The following DHPS variants were observed in gnomAD, a reference collection of about 807,000 sequenced individuals.
DHPS encodes the protein migration-inducing gene 13.
In DHPS, 24 loss-of-function variants were observed where a neutral mutation model predicts 38.7. The observed-to-expected ratio is 0.62, with a 90% CI of 0.45 to 0.87. The LOEUF (loss-of-function observed/expected upper bound fraction) is 0.87. Ranked by LOEUF, DHPS falls within the 40% of genes least tolerant of loss-of-function variation. The pLI is 0.00. For synonymous variants in DHPS, 250 were observed against 204.4 expected (o/e 1.22, Z -1.90); for missense variants, 510 against 497.6 (o/e 1.02, Z -0.24).
At position 12,679,493 on chromosome 19, in the gene DHPS, G is replaced by C. The variant is rs1198727961; in HGVS notation, c.642C>G (p.Ile214Met). 6.2e-7 allele frequency: 1 copy of C among 1,614,018 alleles called. No homozygotes were observed. The highest frequency in any genetic ancestry group is 1.3e-5 in the African/African-American group (1 of 74,900). ...SKMIARLGKE[I>M]NNPESVYYWA... ...AGTAATACACGGACTCTGGGTTGTT[G>C]ATCTCCTTGCCCAGCCGGGCGATCA... Residue 214 changes from isoleucine to methionine, a missense_variant, in exon 5 of 9, where the codon ATC becomes ATG. Ile to Met is a conservative substitution (Grantham distance 10). Transcript: ENST00000210060.
At position 12,677,144 on chromosome 19, in the gene DHPS, G is replaced by A. The variant is rs144283239; in HGVS notation, c.852C>T (p.Gly284=). ...CATTGGCAATGTGGTGCTTGACCAC[G>A]CCCCCGCCCAGAATGATCATCCCAG... The part of the protein sequence containing the change: ...KCTGMIILGG[G]VVKHHIANAN... The change falls in exon 7 of 9, where the codon GGC becomes GGT. Residue 284 remains glycine (G), a synonymous_variant. Transcript: ENST00000210060. 1.2e-5 allele frequency: 20 copies of A among 1,614,176 alleles called. No individual in the cohort carries two copies. The East Asian group carries it at 2.5e-4, about 20-fold the overall frequency.
downstream of DHPS, chr19:12,675,514 G>C: frequency 6.2e-7 from 1 of 1,602,384 alleles, no homozygotes. Context: ...CCTACCCCTC[G>C]CTCCACAGGG....
At chr19:12,672,986 AC>A, downstream of DHPS, 2 of 1,607,086 alleles carry the variant, frequency 1.2e-6, no homozygotes. Context: ...ACCCTCACTC[AC>A]CTACCCACCC....
downstream of DHPS, chr19:12,673,201 G>A (rs1453031153): frequency 6.2e-7 from 1 of 1,613,888 alleles, no homozygotes; most frequent in Non-Finnish European, 8.5e-7. Flanking sequence ...TCCACCCTTA[G>A]GTACAAGGGC....
chr19:12,676,696 C>A (rs2024600669), intron 7 of DHPS: 1 of 261,162 alleles, frequency 3.8e-6, no homozygotes, highest in Non-Finnish European at 7.6e-6. Flanking sequence ...TCCTGGATTA[C>A]TTCAGGCGCC....
At chr19:12,681,226 A>G in intron 1 of DHPS, 1 of 1,253,088 alleles carries the variant, frequency 8.0e-7, no homozygotes, top group Non-Finnish European at 1.0e-6. Flanking sequence ...AACCGCCCAG[A>G]CTTAGGCTCC....
Position 12,681,743 on chromosome 19 carries a change from C to T in DHPS, c.24G>A (p.Glu8=), listed in dbSNP as rs1463186739. The T allele has an allele frequency of 6.2e-7, 1 of 1,611,332 alleles. No individual in the cohort carries two copies. The highest frequency in any genetic ancestry group is 2.2e-5 in the East Asian group (1 of 44,884). Residue 8 remains glutamate, a synonymous_variant, in exon 1 of 9, where the codon GAG becomes GAA. Coordinates refer to ENST00000210060, the MANE Select transcript of DHPS (RefSeq NM_001930.4). The stretch of plus-strand genomic sequence containing the variant: ...CGGCGGCCAGCGCCCCCGCTGGCGC[C>T]TCCCGTTCCAGGGAACCTTCCATGC... The part of the protein sequence containing the change: MEGSLER[E]APAGALAAVL...
At chr19:12,673,477 G>T (rs2024483295), downstream of DHPS, among the ~76,000 whole-genome samples, 1 of 149,166 alleles carries the variant, frequency 6.7e-6, no homozygotes, top group South Asian at 2.1e-4. Context: ...GAGTGCAGTG[G>T]CGCAATCTTG....
rs755547717 is a variant in DHPS at position 12,679,833 on chromosome 19, C to A, written c.462G>T (p.Arg154Ser). ...TCCCGTTCTCCCGGAGCTCCTTCCC[C>A]CTGAGGCTAAACTCGCCCAAGTATG... ...APTYLGEFSLRGKELRENGIN... is the reference protein window; with the variant it reads ...APTYLGEFSLSGKELRENGIN... Residue 154 changes from arginine to serine, a missense_variant, in exon 3 of 9, where the codon AGG becomes AGT. Physicochemically the swap from Arg to Ser is moderately radical, Grantham distance 110. Coordinates refer to ENST00000210060, the MANE Select transcript of DHPS (RefSeq NM_001930.4). 6.2e-7 allele frequency: 1 copy of A among 1,614,066 alleles called. No individual in the cohort carries two copies. Among genetic ancestry groups the A allele is most frequent in the African/African-American group, 1.3e-5 (1 of 74,918 alleles).
chr19:12,680,514 C>G (rs1045357402), intron 1 of DHPS, among the ~76,000 whole-genome samples, 189 bp from the exon 2 acceptor site: 1 of 151,542 alleles, frequency 6.6e-6, no homozygotes, highest in African/African-American at 2.4e-5. Flanking sequence ...TCAAGACACA[C>G]GTTCAGGATT....
At chr19:12,679,595 T>C (rs774735840) in intron 4 of DHPS, 28 bp downstream of exon 4, 2 of 1,614,036 alleles carry the variant, frequency 1.2e-6, no homozygotes, top group Non-Finnish European at 1.7e-6. Context: ...CCCACTGAAC[T>C]GGCCCCTCCA....
downstream of DHPS, chr19:12,672,877 C>T (rs1599371347): frequency 1.3e-6 from 2 of 1,595,296 alleles, no homozygotes; most frequent in East Asian, 2.3e-5. Context: ...GACGCTATGA[C>T]CTAAGGATGG....
intron 7 of DHPS, 28 bp from the exon 8 acceptor site, chr19:12,676,170 C>G: frequency 6.4e-7 from 1 of 1,566,210 alleles, no homozygotes; most frequent in Non-Finnish European, 8.6e-7. Flanking sequence ...CACGGTGGGC[C>G]CAGTCAGCCA....
Position 12,679,803 on chromosome 19 carries a change from A to G in DHPS, c.492T>C (p.Asn164=), listed in dbSNP as rs1387794276. The G allele has an allele frequency of 2.5e-6, 4 of 1,613,960 alleles. No homozygotes were observed. Among genetic ancestry groups the G allele is most frequent in the Admixed American group, 3.3e-5 (2 of 59,988 alleles). The change falls in exon 3 of 9, where the codon AAT becomes AAC. Residue 164 remains asparagine (N), a splice_region_variant and synonymous_variant. Transcript: ENST00000210060. ...CCAACACCACTCAGGGTTCTCACCT[A>G]TTGATCCCGTTCTCCCGGAGCTCCT... ...RGKELRENGI[N]RIGNLLVPNE...
chr19:12,680,061 G>A (rs769862534), intron 2 of DHPS, 100 bp downstream of exon 2: 4 of 1,566,046 alleles, frequency 2.6e-6, no homozygotes, highest in South Asian at 2.3e-5. Context: ...CTATTCCTCT[G>A]CTTATAACAG....
Position 12,679,934 on chromosome 19 carries a change from A to G in DHPS, c.373-12T>C. The stretch of plus-strand genomic sequence containing the variant: ...ACCAATACGTCCACCTGCAGCCACA[A>G]GGCAGTGAATTTGGCCCAAGAAGGA... On this transcript the variant is annotated splice_polypyrimidine_tract_variant and intron_variant, in intron 2 of 8. Coordinates refer to ENST00000210060, the MANE Select transcript of DHPS (RefSeq NM_001930.4). 1 of 1,608,632 alleles carries G rather than the reference A, an allele frequency of 6.2e-7. No homozygotes were observed. The highest frequency in any genetic ancestry group is 2.2e-5 in the East Asian group (1 of 44,832).
At position 12,681,715 on chromosome 19, in the gene DHPS, G is replaced by A. The variant is rs1229674225; in HGVS notation, c.52C>T (p.Leu18=). 6 of 1,613,418 alleles carry A rather than the reference G, an allele frequency of 3.7e-6. No homozygotes were observed. Among genetic ancestry groups the A allele is most frequent in the Non-Finnish European group, 5.1e-6 (6 of 1,180,014 alleles). The stretch of plus-strand genomic sequence containing the variant: ...GGCGGCAACGTCGAGCTGTGCTTTA[G>A]CACGGCGGCCAGCGCCCCCGCTGGC... The part of the protein sequence containing the change: ...EAPAGALAAV[L]KHSSTLPPES... Residue 18 remains leucine (L), a synonymous_variant, in exon 1 of 9, where the codon CTA becomes TTA. Transcript: ENST00000210060.
downstream of DHPS, among the ~76,000 whole-genome samples, chr19:12,674,819 A>T (rs2024523332): frequency 6.6e-6 from 1 of 152,136 alleles, no homozygotes; most frequent in Non-Finnish European, 1.5e-5. Flanking sequence ...CATGTGGTAC[A>T]AGAAAAAGAC....
At chr19:12,675,976 A>G in intron 8 of DHPS, 41 bp downstream of exon 8, 2 of 1,606,898 alleles carry the variant, frequency 1.2e-6, no homozygotes, top group Non-Finnish European at 1.7e-6. Context: ...ACCCACACTC[A>G]TCGTCCCAGA....
Sources: allele counts gnomAD v4.1 joint callset (sites outside exome capture counted in the v4.1 genomes callset), GRCh38; gene constraint gnomAD v4.1.1; transcripts MANE v1.5; gene names NCBI Gene and HGNC (gene_info 2026-07-23, HGNC 2026-07-21).